The following SNTG1 variants were observed in gnomAD, a reference collection of about 807,000 sequenced individuals.
SNTG1 encodes gamma-1-syntrophin.
In SNTG1, 39 loss-of-function variants were observed where a neutral mutation model predicts 74.7. That is an observed-to-expected ratio of 0.52 (90% confidence interval 0.40 to 0.68). The LOEUF is 0.68. SNTG1 is among the 30% of genes least tolerant of loss of function. The probability of loss-of-function intolerance (pLI) is 0.00; values close to 1 mark genes in which losing one functional copy is unlikely to be tolerated. For missense variants in SNTG1, 685 were observed against 609.5 expected, an observed-to-expected ratio of 1.12 and a Z score of -1.30; for synonymous variants, 254 against 217.1, an observed-to-expected ratio of 1.17 and a Z score of -1.49.
At chr8:50,001,710 C>A (rs1321417953) in intron 1 of SNTG1, among the ~76,000 whole-genome samples, 1 of 152,182 alleles carries the variant, frequency 6.6e-6, no homozygotes, top group Non-Finnish European at 1.5e-5. Flanking sequence ...GCACCAATAA[C>A]TTCCCTCTGA....
At chr8:49,998,412 T>G (rs550000348) in intron 1 of SNTG1, among the ~76,000 whole-genome samples, 1 of 152,158 alleles carries the variant, frequency 6.6e-6, no homozygotes. Flanking sequence ...CTGCTGTAAC[T>G]TTTTTACTTT....
intron 18 of SNTG1, among the ~76,000 whole-genome samples, chr8:50,780,639 C>CT (rs2095656335): frequency 6.6e-6 from 1 of 152,062 alleles, no homozygotes; most frequent in South Asian, 2.1e-4. Context: ...CTTTGTTGAT[C>CT]TTTTCAAAAA....
At chr8:50,791,916 A>G (rs949810057) in intron 18 of SNTG1, among the ~76,000 whole-genome samples, 1 of 151,810 alleles carries the variant, frequency 6.6e-6, no homozygotes. Context: ...TTAAGATTTT[A>G]TAGTTATTTT....
chr8:50,286,891 T>G (rs1380900535), intron 2 of SNTG1: 1 of 152,178 alleles, frequency 6.6e-6, no homozygotes, highest in Non-Finnish European at 1.5e-5. Context: ...CAGCTCTGAT[T>G]GAGGTCATCA....
At chr8:50,255,331 T>C (rs1228054631) in intron 2 of SNTG1, among the ~76,000 whole-genome samples, 1 of 152,160 alleles carries the variant, frequency 6.6e-6, no homozygotes, top group Non-Finnish European at 1.5e-5. Flanking sequence ...ATAAATTATG[T>C]CAAGTTTCTA....
At chr8:50,033,823 G>A (rs1817935223) in intron 1 of SNTG1, among the ~76,000 whole-genome samples, 1 of 152,052 alleles carries the variant, frequency 6.6e-6, no homozygotes, top group Non-Finnish European at 1.5e-5. Context: ...GAGGTATTGG[G>A]GGTTAGGGAT....
In SNTG1 at chr8:50,311,489, C is replaced by T. The variant is rs573050712; in HGVS notation, c.-27-82723C>T. On this transcript the variant is annotated intron_variant, in intron 2 of 18. Coordinates refer to ENST00000642720, the MANE Select transcript of SNTG1 (RefSeq NM_018967.5). ...CTTAACAGGATCCCTTGAGTGGATACATTGAGTAGGTTGTGTGCCTAGGGT... is the reference window on the plus strand; with the variant it reads ...CTTAACAGGATCCCTTGAGTGGATATATTGAGTAGGTTGTGTGCCTAGGGT... Among the ~76,000 whole-genome samples, 27 of 152,308 alleles carry T rather than the reference C, an allele frequency of 1.8e-4. 1 individual carries two copies. The East Asian group carries it at 4.6e-3, about 26-fold the overall frequency.
At chr8:49,979,587 C>A (rs1812494795) in intron 1 of SNTG1, among the ~76,000 whole-genome samples, 1 of 152,160 alleles carries the variant, frequency 6.6e-6, no homozygotes, top group Non-Finnish European at 1.5e-5. Flanking sequence ...TTCTCCAGTT[C>A]TTGGCTTGGT....
chr8:50,455,016 A>C (rs1309017917), intron 8 of SNTG1, among the ~76,000 whole-genome samples: 1 of 152,122 alleles, frequency 6.6e-6, no homozygotes, highest in African/African-American at 2.4e-5. Flanking sequence ...GTATACAAAA[A>C]TTTTAAGAAA....
At chr8:50,407,911 G>A (rs2092900301) in intron 4 of SNTG1, among the ~76,000 whole-genome samples, 1 of 152,082 alleles carries the variant, frequency 6.6e-6, no homozygotes, top group African/African-American at 2.4e-5. Flanking sequence ...TTAGCTCCTG[G>A]GTGGAGTCAC....
intron 1 of SNTG1, among the ~76,000 whole-genome samples, chr8:49,921,001 A>G (rs745912000): frequency 6.6e-6 from 1 of 152,110 alleles, no homozygotes; most frequent in Non-Finnish European, 1.5e-5. Context: ...GATATCTGAC[A>G]TGGGACATGT....
At chr8:49,975,861 T>C (rs1453592302) in intron 1 of SNTG1, among the ~76,000 whole-genome samples, 1 of 152,082 alleles carries the variant, frequency 6.6e-6, no homozygotes, top group Non-Finnish European at 1.5e-5. Context: ...GGATTGAGAA[T>C]TTGTTAAATT....
intron 2 of SNTG1, among the ~76,000 whole-genome samples, chr8:50,299,161 T>C (rs1587008458): frequency 6.6e-6 from 1 of 152,138 alleles, no homozygotes; most frequent in Admixed American, 6.6e-5. Context: ...ATGGCAGGTG[T>C]AGATTTAAGG....
intron 1 of SNTG1, among the ~76,000 whole-genome samples, chr8:50,096,743 T>A (rs1044094891): frequency 6.6e-6 from 1 of 152,170 alleles, no homozygotes; most frequent in African/African-American, 2.4e-5. Flanking sequence ...TTTGTCTTTG[T>A]TTTTAGAACA....
chr8:50,699,475 T>A (rs895784282), intron 15 of SNTG1, among the ~76,000 whole-genome samples: 26 of 152,032 alleles, frequency 1.7e-4, no homozygotes, highest in Non-Finnish European at 1.0e-4. Flanking sequence ...TCTAAGTGGA[T>A]GAAGTACCCT....
At position 50,566,673 on chromosome 8, in the gene SNTG1, T is replaced by A. The variant is rs142461000; in HGVS notation, c.810+13494T>A. Among the ~76,000 whole-genome samples the A allele has an allele frequency of 4.6e-5, 7 of 151,836 alleles. No homozygotes were observed. In the East Asian group the frequency reaches 7.7e-4, roughly 17 times the overall value. On this transcript the variant is annotated intron_variant, in intron 12 of 18. Coordinates refer to ENST00000642720, the MANE Select transcript of SNTG1 (RefSeq NM_018967.5). ...AGAGGAGGAAGTATAACCTCAAAAC[T>A]CTCCATTGTTTAATCAATCAAGGGA...
chr8:50,516,195 A>T (rs2094132594), intron 9 of SNTG1, among the ~76,000 whole-genome samples: 1 of 152,194 alleles, frequency 6.6e-6, no homozygotes, highest in South Asian at 2.1e-4. Flanking sequence ...CAGACTTGCA[A>T]CATAGGGGCT....
intron 1 of SNTG1, among the ~76,000 whole-genome samples, chr8:50,069,878 C>A (rs2130994171): frequency 6.6e-6 from 1 of 152,132 alleles, no homozygotes; most frequent in East Asian, 1.9e-4. Context: ...TCCTGCAGGT[C>A]TGTGCTAAGG....
At chr8:50,735,297 T>C (rs560387519) in intron 17 of SNTG1, among the ~76,000 whole-genome samples, 3 of 151,714 alleles carry the variant, frequency 2.0e-5, no homozygotes, top group African/African-American at 7.2e-5. Context: ...GCTAATTTTC[T>C]AAACTAATAT....
Sources: gnomAD v4.1 joint callset for allele counts (sites outside exome capture counted in the v4.1 genomes callset) on GRCh38, gnomAD v4.1.1 for gene constraint, MANE v1.5 for transcripts, NCBI Gene and HGNC (gene_info 2026-07-23, HGNC 2026-07-21) for gene names.